The following SLC24A2 variants were observed in gnomAD, a reference collection of about 807,000 sequenced individuals.
The protein encoded by SLC24A2 is sodium/potassium/calcium exchanger 2.
Under a neutral mutation model 62.0 loss-of-function variants are expected in SLC24A2, and 36 were observed. That is an observed-to-expected ratio of 0.58 (90% confidence interval 0.44 to 0.77). SLC24A2 has a LOEUF of 0.77. Ranked by LOEUF, SLC24A2 falls within the 30% of genes least tolerant of loss-of-function variation. The probability of loss-of-function intolerance (pLI) is 0.00; values close to 1 mark genes in which losing one functional copy is unlikely to be tolerated. For synonymous variants in SLC24A2, 358 were observed against 294.0 expected, an observed-to-expected ratio of 1.22 and a Z score of -2.23; for missense variants, 846 against 817.9, an observed-to-expected ratio of 1.03 and a Z score of -0.42.
At position 19,513,153 on chromosome 9, in the gene SLC24A2, G is replaced by GATACATATAT. The variant is rs1554665663; in HGVS notation, c.*2999_*3000insATATATGTAT. The GATACATATAT allele has an allele frequency of 1.2e-5, 1 of 80,594 alleles. No individual in the cohort carries two copies. The highest frequency in any genetic ancestry group is 4.1e-4 in the East Asian group (1 of 2,424). 5.0% of individuals were successfully genotyped at this position (80,594 alleles called of 1,614,324 possible). ...TGTGTACATATAGATCTGGTATAAA[G>GATACATATAT]ATATATATATATATATATATATGTA... On this transcript the variant is annotated 3_prime_UTR_variant, in exon 11 of 11. Transcript: ENST00000341998.
chr9:20,297,213 T>G, the SLC24A2 span, among the ~76,000 whole-genome samples: 2 of 152,152 alleles, frequency 1.3e-5, no homozygotes, highest in African/African-American at 4.8e-5. Context: ...AGTCAGACTG[T>G]CCAGGTGCTA....
At chr9:20,144,887 T>C in the SLC24A2 span, among the ~76,000 whole-genome samples, 6 of 152,178 alleles carry the variant, frequency 3.9e-5, no homozygotes, top group South Asian at 1.0e-3. Context: ...TTCATTCTGA[T>C]AGTTTTCTAT....
the SLC24A2 span, among the ~76,000 whole-genome samples, chr9:19,842,119 C>A: frequency 5.9e-5 from 9 of 152,176 alleles, no homozygotes; most frequent in Non-Finnish European, 1.2e-4. Flanking sequence ...AGAGATTCAT[C>A]TTCCTAGGAA....
chr9:19,865,328 A>G, the SLC24A2 span, among the ~76,000 whole-genome samples: 2 of 152,162 alleles, frequency 1.3e-5, no homozygotes, highest in East Asian at 1.9e-4. Context: ...AAATAGAAAA[A>G]GCAACCCTAA....
the SLC24A2 span, among the ~76,000 whole-genome samples, chr9:20,121,309 G>A: frequency 6.6e-6 from 1 of 151,558 alleles, no homozygotes; most frequent in East Asian, 1.9e-4. Flanking sequence ...AATATAATGT[G>A]GTTTTCAGTG....
chr9:20,214,520 CAGG>C, the SLC24A2 span, among the ~76,000 whole-genome samples: 1 of 151,908 alleles, frequency 6.6e-6, no homozygotes, highest in Non-Finnish European at 1.5e-5. Context: ...GAGGCTGAGG[CAGG>C]AGAATGGCGT....
At chr9:19,872,495 C>T in the SLC24A2 span, among the ~76,000 whole-genome samples, 56 of 152,234 alleles carry the variant, frequency 3.7e-4, no homozygotes, top group Non-Finnish European at 8.8e-5. Flanking sequence ...TGTCTCAGGT[C>T]GTTTTCCTCA....
rs4977308 is a variant in SLC24A2, at chr9:19,622,270, T to C, written c.960A>G (p.Pro320=). The change falls in exon 3 of 11, where the codon CCA becomes CCG. Residue 320 remains proline (P), a synonymous_variant. Coordinates refer to ENST00000341998, the MANE Select transcript of SLC24A2 (RefSeq NM_020344.4). ...KPSAARDKDE[P]TLPAKPRLQR... ...AGCCACTGCTTCCTACCGGTAGAGT[T>C]GGTTCATCCTTGTCCCTGGCTGCAG... The C allele has an allele frequency of 0.74, 1,198,633 of 1,610,968 alleles. 447,462 individuals carry two copies. The highest frequency in any genetic ancestry group is 0.9 in the East Asian group (40,415 of 44,832).
chr9:19,607,423 CA>C (rs1442692304), intron 4 of SLC24A2, among the ~76,000 whole-genome samples: 1 of 152,036 alleles, frequency 6.6e-6, no homozygotes, highest in Non-Finnish European at 1.5e-5. Context: ...CCATCAAAAT[CA>C]TTTTTTTTTG....
the SLC24A2 span, among the ~76,000 whole-genome samples, chr9:20,188,008 T>C: frequency 6.6e-6 from 1 of 152,182 alleles, no homozygotes; most frequent in African/African-American, 2.4e-5. Flanking sequence ...GCCCCAACAA[T>C]AGCACAGTAC....
At chr9:19,994,450 T>C in the SLC24A2 span, among the ~76,000 whole-genome samples, 1 of 152,148 alleles carries the variant, frequency 6.6e-6, no homozygotes, top group South Asian at 2.1e-4. Flanking sequence ...ACACTGCCAA[T>C]TGGTTTATGT....
At chr9:19,976,987 G>C in the SLC24A2 span, among the ~76,000 whole-genome samples, 2 of 152,160 alleles carry the variant, frequency 1.3e-5, no homozygotes, top group African/African-American at 4.8e-5. Flanking sequence ...GATCAGCAAA[G>C]TCCAACTACA....
chr9:19,650,995 C>T (rs1818785956), intron 2 of SLC24A2, among the ~76,000 whole-genome samples: 1 of 152,134 alleles, frequency 6.6e-6, no homozygotes, highest in Admixed American at 6.5e-5. Flanking sequence ...ATTGATAAGA[C>T]ATCTATACTC....
intron 2 of SLC24A2, among the ~76,000 whole-genome samples, chr9:19,697,870 T>C (rs1193139781): frequency 6.6e-6 from 1 of 152,172 alleles, no homozygotes; most frequent in Non-Finnish European, 1.5e-5. Flanking sequence ...GAAAAAACAA[T>C]TTCTAATTTA....
At chr9:20,232,072 C>T in the SLC24A2 span, among the ~76,000 whole-genome samples, 1 of 152,018 alleles carries the variant, frequency 6.6e-6, no homozygotes, top group Non-Finnish European at 1.5e-5. Flanking sequence ...GCCTTGCATC[C>T]CAGGGATGAA....
chr9:19,610,646 G>A (rs1837130431), intron 4 of SLC24A2, among the ~76,000 whole-genome samples: 1 of 152,292 alleles, frequency 6.6e-6, no homozygotes, highest in East Asian at 1.9e-4. Context: ...TACTGACCAA[G>A]CACCTACATA....
rs1260069416 is a variant in SLC24A2, at chr9:19,786,754, C to G, written c.113G>C (p.Arg38Pro). Residue 38 changes from arginine to proline, a missense_variant, in exon 2 of 11, where the codon CGA (arginine) becomes CCA (proline). Coordinates refer to ENST00000341998, the MANE Select transcript of SLC24A2 (RefSeq NM_020344.4). This position sits in a 1 kb window ranked among gnomAD's most constrained non-coding sequence, Gnocchi z 5.0. ...YSVKKKLKLI[R>P]VLGLFMGLVA... Reference sequence around the variant, plus strand: ...CAGACCCATGAAAAGGCCTAAGACTCGAATTAACTTCAGTTTTTTCTTGAC... The same window carrying G: ...CAGACCCATGAAAAGGCCTAAGACTGGAATTAACTTCAGTTTTTTCTTGAC... 1 of 1,601,228 alleles carries G rather than the reference C, an allele frequency of 6.2e-7. No individual in the cohort carries two copies. The highest frequency in any genetic ancestry group is 8.5e-7 in the Non-Finnish European group (1 of 1,173,356).
the SLC24A2 span, among the ~76,000 whole-genome samples, chr9:20,006,351 TG>T: frequency 6.6e-6 from 1 of 151,792 alleles, no homozygotes; most frequent in Non-Finnish European, 1.5e-5. Context: ...GGAGGGGGGA[TG>T]GTTAATGGGT....
chr9:19,640,582 G>C (rs1255217448), intron 2 of SLC24A2, among the ~76,000 whole-genome samples: 3 of 152,086 alleles, frequency 2.0e-5, no homozygotes, highest in African/African-American at 4.8e-5. Flanking sequence ...AAAAAACTCA[G>C]TATTATAGAT....
Sources: gnomAD v4.1 joint callset for allele counts (sites outside exome capture counted in the v4.1 genomes callset) on GRCh38, gnomAD v4.1.1 for gene constraint, Gnocchi (gnomAD v3.1) non-coding constraint, MANE v1.5 for transcripts, NCBI Gene and HGNC (gene_info 2026-07-23, HGNC 2026-07-21) for gene names.